PHTF2: variants seen among roughly 807,000 people sequenced by gnomAD.
PHTF2 encodes putative homeodomain transcription factor 2.
A neutral mutation model predicts 101.2 loss-of-function variants in PHTF2; 60 were observed. The observed-to-expected ratio is 0.59, with a 90% CI of 0.48 to 0.73. The LOEUF (loss-of-function observed/expected upper bound fraction) is 0.73. Among genes scored for constraint, PHTF2 ranks in the 30% least tolerant of loss-of-function variants. The pLI, the probability that PHTF2 is intolerant of heterozygous loss-of-function variation, is 0.00. For synonymous variants in PHTF2, 311 were observed against 307.3 expected, an observed-to-expected ratio of 1.01 and a Z score of -0.13; for missense variants, 747 against 908.7, an observed-to-expected ratio of 0.82 and a Z score of 2.29.
intron 2 of PHTF2, among the ~76,000 whole-genome samples, chr7:77,848,363 G>A (rs1435113573): frequency 2.0e-5 from 3 of 152,064 alleles, no homozygotes; most frequent in African/African-American, 4.8e-5. Context: ...CATCCTTGCC[G>A]GCATTTGTTG....
chr7:77,925,620 C>T (rs1562955773), intron 11 of PHTF2, among the ~76,000 whole-genome samples: 1 of 148,114 alleles, frequency 6.8e-6, no homozygotes, highest in Non-Finnish European at 1.5e-5. Context: ...AGTGATTCTC[C>T]TGCCTCAGCT....
rs1040239591 is a variant in PHTF2, at chr7:77,925,270, GT to G, written c.1119+2494del. The stretch of plus-strand genomic sequence containing the variant: ...TATTCCCTTCAAATAAATACTATGT[GT>G]TCTCTAAATCTCATTATATGTTCAG... On this transcript the variant is annotated intron_variant, in intron 11 of 19. Coordinates refer to ENST00000416283, the Ensembl canonical transcript of PHTF2. Among the ~76,000 whole-genome samples the G allele has an allele frequency of 7.9e-4, 120 of 152,148 alleles. 1 individual carries two copies. The highest frequency in any genetic ancestry group is 2.8e-3 in the African/African-American group (115 of 41,510).
At chr7:77,929,404 A>G in intron 12 of PHTF2, 77 bp downstream of exon 11, 4 of 715,212 alleles carry the variant, frequency 5.6e-6, no homozygotes, top group Non-Finnish European at 9.5e-6. Context: ...TACAGAGGTG[A>G]AGAAAAAGCT....
chr7:77,846,949 T>C (rs565416557), intron 2 of PHTF2, among the ~76,000 whole-genome samples: 155 of 152,240 alleles, frequency 1.0e-3, no homozygotes, highest in African/African-American at 3.5e-3. Flanking sequence ...GAAGCTTTTA[T>C]AGTGACTTAG....
At chr7:77,813,668 A>T (rs961531953) in intron 1 of PHTF2, among the ~76,000 whole-genome samples, 3 of 152,254 alleles carry the variant, frequency 2.0e-5, no homozygotes, top group Non-Finnish European at 4.4e-5. Context: ...TGAGCTATAC[A>T]TAGCTTACTT....
At chr7:77,938,452 C>T (rs572707729) in intron 13 of PHTF2, among the ~76,000 whole-genome samples, 21 of 152,162 alleles carry the variant, frequency 1.4e-4, no homozygotes, top group East Asian at 3.9e-4. Flanking sequence ...GTTGATTGGC[C>T]GGGCGCGGTG....
intron 3 of PHTF2, among the ~76,000 whole-genome samples, chr7:77,890,752 C>T (rs1426675803): frequency 6.6e-6 from 1 of 151,622 alleles, no homozygotes; most frequent in Non-Finnish European, 1.5e-5. Flanking sequence ...ACTACAGATG[C>T]CCGCCACCAC....
chr7:77,913,729 G>T (rs1802630192), intron 9 of PHTF2, among the ~76,000 whole-genome samples: 1 of 152,128 alleles, frequency 6.6e-6, no homozygotes, highest in East Asian at 1.9e-4. Context: ...GATTACAGGT[G>T]TGAGCCACTA....
At chr7:77,909,151 A>C in intron 8 of PHTF2, 193 bp downstream of exon 7, 4 of 433,592 alleles carry the variant, frequency 9.2e-6, no homozygotes, top group South Asian at 5.0e-5. Context: ...TTAAGACCAC[A>C]TGCCTGTGTT....
chr7:77,835,728 T>C (rs752594073), intron 1 of PHTF2, among the ~76,000 whole-genome samples: 3 of 152,188 alleles, frequency 2.0e-5, no homozygotes, highest in Non-Finnish European at 4.4e-5. Context: ...GTCTTACTAA[T>C]AACATAAACA....
At chr7:77,874,027 C>G (rs1190264137) in intron 3 of PHTF2, among the ~76,000 whole-genome samples, 1 of 152,210 alleles carries the variant, frequency 6.6e-6, no homozygotes, top group African/African-American at 2.4e-5. Flanking sequence ...AATTTTCTTT[C>G]ATCACTTTGT....
At chr7:77,799,468 A>T (rs1194888497) in intron 1 of PHTF2, among the ~76,000 whole-genome samples, 1 of 152,004 alleles carries the variant, frequency 6.6e-6, no homozygotes, top group Non-Finnish European at 1.5e-5. Flanking sequence ...GAGGAGGTGG[A>T]AGGAGGGTCG....
intron 3 of PHTF2, among the ~76,000 whole-genome samples, chr7:77,860,689 A>C (rs1251036181): frequency 6.6e-6 from 1 of 152,142 alleles, no homozygotes; most frequent in East Asian, 1.9e-4. Flanking sequence ...TTATTAATCA[A>C]ATGTTAAATT....
chr7:77,885,450 T>C (rs118003212), intron 3 of PHTF2, among the ~76,000 whole-genome samples: 3,356 of 152,162 alleles, frequency 0.022, 51 homozygotes, highest in Middle Eastern at 0.068. Context: ...ATTATTGTTA[T>C]ACTTTTTTTT....
At position 77,937,681 on chromosome 7, in the gene PHTF2, A is replaced by G. The variant is rs770185081; in HGVS notation, c.1339-29A>G. 223 of 951,878 alleles carry G rather than the reference A, an allele frequency of 2.3e-4. 1 individual carries two copies. The highest frequency in any genetic ancestry group is 1.2e-4 in the East Asian group (4 of 33,226). 59.0% of individuals were successfully genotyped at this position (951,878 alleles called of 1,614,324 possible). A position where few individuals can be genotyped will look rare whatever the true frequency, so the allele number is the denominator to read the frequency against. ...ATTTTATTTATTAAATGTGATCTAT[A>G]TATTTACTAATTTTTTTTTTTTTTA... On this transcript the variant is annotated intron_variant, in intron 12 of 19. Coordinates refer to ENST00000416283, the Ensembl canonical transcript of PHTF2.
At chr7:77,806,573 G>A (rs1003678994) in intron 1 of PHTF2, among the ~76,000 whole-genome samples, 20 of 152,020 alleles carry the variant, frequency 1.3e-4, no homozygotes, top group African/African-American at 4.1e-4. Flanking sequence ...ACAGATACAC[G>A]TAAAAATAGG....
chr7:77,802,812 T>C (rs998386968), intron 1 of PHTF2, among the ~76,000 whole-genome samples: 6 of 152,232 alleles, frequency 3.9e-5, no homozygotes, highest in African/African-American at 7.2e-5. Context: ...ATTACAGATA[T>C]AAGCCACCAC....
At chr7:77,849,054 T>C (rs1004362703) in intron 2 of PHTF2, among the ~76,000 whole-genome samples, 6 of 152,134 alleles carry the variant, frequency 3.9e-5, no homozygotes, top group African/African-American at 1.2e-4. Flanking sequence ...GATTTGTTTC[T>C]GGGCTTCTAT....
chr7:77,937,950 G>GA (rs1189410781), intron 13 of PHTF2, 112 bp downstream of exon 12: 43 of 437,534 alleles, frequency 9.8e-5, no homozygotes, highest in Middle Eastern at 1.4e-3. Flanking sequence ...TCTTCACCCT[G>GA]AAAAAAAAGT....
Sources: allele counts gnomAD v4.1 joint callset (sites outside exome capture counted in the v4.1 genomes callset), GRCh38; gene constraint gnomAD v4.1.1; transcripts MANE v1.5; gene names NCBI Gene and HGNC (gene_info 2026-07-23, HGNC 2026-07-21).